ZNF605: variants seen among roughly 807,000 people sequenced by gnomAD.
ZNF605 encodes the protein zinc finger protein 605.
A neutral mutation model predicts 7.9 loss-of-function variants in ZNF605; 9 were observed. The observed-to-expected ratio is 1.14, with a 90% CI of 0.68 to 1.98. ZNF605 has a LOEUF of 1.98. Among genes scored for constraint, ZNF605 ranks in the 30% most tolerant of loss-of-function variants. The probability of loss-of-function intolerance (pLI) is 0.00; values close to 1 mark genes in which losing one functional copy is unlikely to be tolerated. For missense variants in ZNF605, 673 were observed against 762.4 expected (o/e 0.88, Z 1.38); for synonymous variants, 255 against 260.1 (o/e 0.98, Z 0.19).
intron 1 of ZNF605, among the ~76,000 whole-genome samples, chr12:132,954,414 T>A (rs866669789): frequency 0.1 from 80 of 782 alleles, 2 homozygotes; most frequent in African/African-American, 0.2. Flanking sequence ...GGGGAGGGGA[T>A]GAGAAGGATG....
At chr12:132,934,201 C>T (rs536392437) in intron 3 of ZNF605, among the ~76,000 whole-genome samples, 42 of 152,044 alleles carry the variant, frequency 2.8e-4, no homozygotes, top group African/African-American at 9.2e-4. Context: ...ATCACTTGAA[C>T]CTGGGAGGTG....
At chr12:132,929,843 G>A (rs1367810828) in intron 4 of ZNF605, among the ~76,000 whole-genome samples, 5 of 152,174 alleles carry the variant, frequency 3.3e-5, no homozygotes, top group Admixed American at 2.6e-4. Flanking sequence ...TACTTGGGAG[G>A]CTGAGGCAGG....
intron 1 of ZNF605, among the ~76,000 whole-genome samples, chr12:132,954,462 G>GGAGGGGAGGAGAAGGGTGGA (rs1952613239): frequency 8.5e-6 from 1 of 117,460 alleles, no homozygotes; most frequent in African/African-American, 5.3e-5. Flanking sequence ...AGAAGGGTGG[G>GGAGGGGAGGAGAAGGGTGGA]GAGGGGAGGA....
intron 4 of ZNF605, among the ~76,000 whole-genome samples, chr12:132,929,044 C>CA (rs140441684): frequency 0.53 from 80,049 of 151,070 alleles, 22,032 homozygotes; most frequent in East Asian, 0.75. Flanking sequence ...CAAAACAAAA[C>CA]AAAAAAACCC....
At chr12:132,950,086 G>C (rs1952541581) in intron 1 of ZNF605, among the ~76,000 whole-genome samples, 1 of 151,954 alleles carries the variant, frequency 6.6e-6, no homozygotes, top group Non-Finnish European at 1.5e-5. Flanking sequence ...CCAGAGAGAA[G>C]CCCTGACTAC....
rs1952234435 is a variant in ZNF605, at chr12:132,925,205, T to C, written c.*168A>G. 1.8e-6 allele frequency: 1 copy of C among 544,830 alleles called. No individual in the cohort carries two copies. The highest frequency in any genetic ancestry group is 3.1e-6 in the Non-Finnish European group (1 of 318,220). The allele number at this position is 544,830 out of a possible 1,614,324, so 33.7% of individuals were successfully genotyped here. A position where few individuals can be genotyped will look rare whatever the true frequency, so the allele number is the denominator to read the frequency against. On this transcript the variant is annotated 3_prime_UTR_variant, in exon 5 of 5. Coordinates refer to ENST00000360187, the MANE Select transcript of ZNF605 (RefSeq NM_183238.4). ...TGACTTTTTTTACACTGTTTGCTTT[T>C]TAAAAACTTCTCTTTCTAAATTCTG...
chr12:132,932,117 T>G (rs55883514), intron 4 of ZNF605, among the ~76,000 whole-genome samples: 20,057 of 152,018 alleles, frequency 0.13, 1,668 homozygotes, highest in Non-Finnish European at 0.19. Flanking sequence ...TTAGGTATTA[T>G]TAGTAGTAGT....
chr12:132,953,216 C>T (rs921415692), intron 1 of ZNF605, among the ~76,000 whole-genome samples: 8 of 152,200 alleles, frequency 5.3e-5, no homozygotes, highest in Admixed American at 1.3e-4. Context: ...ACCACAATGG[C>T]TGACTTCACA....
rs371519291 is a variant in ZNF605, at chr12:132,942,245, C to T, written c.15+3376G>A. On this transcript the variant is annotated intron_variant, in intron 3 of 4. Transcript: ENST00000360187. ...ATGATCTTTATTTTTCAGACCTGCT[C>T]CTAAAAGCTTTCTCCTCCTCCTAAA... 4.6e-5 allele frequency among the ~76,000 whole-genome samples: 7 copies of T among 152,294 alleles called. 1 individual carries two copies. Among genetic ancestry groups the T allele is most frequent in the South Asian group, 4.1e-4 (2 of 4,828 alleles).
chr12:132,945,019 A>G (rs1485878781), intron 3 of ZNF605: 1 of 191,018 alleles, frequency 5.2e-6, no homozygotes, highest in Non-Finnish European at 1.1e-5. Flanking sequence ...TCTTTTTCTC[A>G]CTCTGTCACC....
At chr12:132,928,157 T>C (rs1952267468) in intron 4 of ZNF605, among the ~76,000 whole-genome samples, 1 of 152,168 alleles carries the variant, frequency 6.6e-6, no homozygotes, top group Admixed American at 6.5e-5. Flanking sequence ...GTTAAGAATG[T>C]GAATAATAAA....
chr12:132,951,593 A>AGACATG (rs1952568146), intron 1 of ZNF605, among the ~76,000 whole-genome samples: 2 of 151,464 alleles, frequency 1.3e-5, no homozygotes, highest in Non-Finnish European at 2.9e-5. Flanking sequence ...ACATGCACAC[A>AGACATG]CTCAGACACA....
At position 132,922,943 on chromosome 12, in the gene ZNF605, G is replaced by C. The variant is rs1397848977; in HGVS notation, c.*2430C>G. The C allele has an allele frequency of 1.3e-5, 2 of 152,254 alleles. No homozygotes were observed. Among genetic ancestry groups the C allele is most frequent in the African/African-American group, 4.8e-5 (2 of 41,420 alleles). The allele number at this position is 152,254 out of a possible 1,614,324, so 9.4% of individuals were successfully genotyped here. ...CCCCAGTCTCTAGAAGACAGCCTCA[G>C]GGGGGAGCAGAGCAGAAAATGGGGG... On this transcript the variant is annotated 3_prime_UTR_variant, in exon 5 of 5. Coordinates refer to ENST00000360187, the MANE Select transcript of ZNF605 (RefSeq NM_183238.4).
rs1952442950 is a variant in ZNF605, at chr12:132,941,684, C to A, written c.15+3937G>T. Among the ~76,000 whole-genome samples, 1 of 152,240 alleles carries A rather than the reference C, an allele frequency of 6.6e-6. No homozygotes were observed. The highest frequency in any genetic ancestry group is 1.5e-5 in the Non-Finnish European group (1 of 68,046). ...TGGACTACGCAGCTCAGGCAAGCGA[C>A]CTCAGGCCTCACGCAGCCGTTCCCC... On this transcript the variant is annotated intron_variant, in intron 3 of 4. Coordinates refer to ENST00000360187, the MANE Select transcript of ZNF605 (RefSeq NM_183238.4). This position sits in a 1 kb window ranked among gnomAD's most constrained non-coding sequence, Gnocchi z 5.1.
rs775288594 is a variant in ZNF605 at position 132,925,909 on chromosome 12, G to A, written c.1390C>T (p.Leu464=). Residue 464 remains leucine (L), a synonymous_variant, in exon 5 of 5, where the codon CTG becomes TTG. Transcript: ENST00000360187. ...CGKAFTQKSS[L]ISHQRTHTGE... ...GTATGTGTTCTCTGATGTGATATCA[G>A]GCTTGACTTCTGGGTGAAGGCCTTC... The A allele has an allele frequency of 3.1e-6, 5 of 1,614,160 alleles. No homozygotes were observed. Among genetic ancestry groups the A allele is most frequent in the Non-Finnish European group, 4.2e-6 (5 of 1,180,028 alleles).
chr12:132,952,213 T>C (rs1952580510), intron 1 of ZNF605, among the ~76,000 whole-genome samples: 2 of 151,766 alleles, frequency 1.3e-5, no homozygotes, highest in Non-Finnish European at 2.9e-5. Context: ...TCCCAGCACT[T>C]TGGGAGGCTG....
At position 132,925,823 on chromosome 12, in the gene ZNF605, G is replaced by A; in HGVS notation, c.1476C>T (p.Leu492=). The change falls in exon 5 of 5, where the codon CTC becomes CTT. Residue 492 remains leucine, a synonymous_variant. Transcript: ENST00000360187. ...CRKTFSEKSS[L]IHHQRTHTGE... ...CAGTATGGGTTCTCTGATGATGAAT[G>A]AGACTTGACTTCTCACTGAAGGTTT... 6.2e-7 allele frequency: 1 copy of A among 1,614,172 alleles called. No individual in the cohort carries two copies. Among genetic ancestry groups the A allele is most frequent in the South Asian group, 1.1e-5 (1 of 91,090 alleles).
chr12:132,945,685 G>A lies in ZNF605; in HGVS notation c.-50C>T. 1.9e-6 allele frequency: 3 copies of A among 1,614,168 alleles called. No homozygotes were observed. Among genetic ancestry groups the A allele is most frequent in the South Asian group, 2.2e-5 (2 of 91,088 alleles). On this transcript the variant is annotated 5_prime_UTR_variant, in exon 3 of 5. Transcript: ENST00000360187. ...CTGTTTTGTGACTTCTCTTAGTCCTGACACCCTGGAGTGGCCTCTGGTCAG... is the reference window on the plus strand; with the variant it reads ...CTGTTTTGTGACTTCTCTTAGTCCTAACACCCTGGAGTGGCCTCTGGTCAG...
chr12:132,950,482 C>T (rs1389635515), intron 1 of ZNF605, among the ~76,000 whole-genome samples: 5 of 151,908 alleles, frequency 3.3e-5, no homozygotes, highest in Non-Finnish European at 7.4e-5. Context: ...GACATGCACA[C>T]ACAGACGCAC....
Sources: gnomAD v4.1 joint callset for allele counts (sites outside exome capture counted in the v4.1 genomes callset) on GRCh38, gnomAD v4.1.1 for gene constraint, Gnocchi (gnomAD v3.1) non-coding constraint, MANE v1.5 for transcripts, NCBI Gene and HGNC (gene_info 2026-07-23, HGNC 2026-07-21) for gene names.